Variants in DCC observed in about 807,000 individuals in gnomAD.
The protein encoded by DCC is DCC netrin 1 receptor, also known as netrin receptor DCC.
DCC carries 58 observed loss-of-function variants against 172.5 expected under a neutral mutation model. The observed-to-expected ratio is 0.34, with a 90% CI of 0.27 to 0.42. DCC has a LOEUF of 0.42. Among genes scored for constraint, DCC ranks in the 10% least tolerant of loss-of-function variants. The pLI is 1.00. For missense variants in DCC, 1,740 were observed against 1,791.0 expected, an observed-to-expected ratio of 0.97 and a Z score of 0.51; for synonymous variants, 709 against 644.5, an observed-to-expected ratio of 1.10 and a Z score of -1.52.
intron 5 of DCC, among the ~76,000 whole-genome samples, chr18:52,981,523 GA>G (rs950240707): frequency 1.3e-3 from 196 of 145,380 alleles, no homozygotes; most frequent in African/African-American, 3.0e-3. Context: ...ATTCTGATTG[GA>G]AAAAAAAAAA....
intron 1 of DCC, among the ~76,000 whole-genome samples, chr18:52,565,893 T>C (rs1449158502): frequency 1.3e-5 from 2 of 152,214 alleles, no homozygotes; most frequent in Non-Finnish European, 2.9e-5. Flanking sequence ...TTTGGTGTTT[T>C]AGTCATGAAG....
chr18:52,728,061 A>T (rs1376109904), intron 1 of DCC, among the ~76,000 whole-genome samples: 1 of 152,166 alleles, frequency 6.6e-6, no homozygotes, highest in Non-Finnish European at 1.5e-5. Flanking sequence ...CAGTGATTGG[A>T]TTACACTAAA....
intron 12 of DCC, among the ~76,000 whole-genome samples, chr18:53,248,392 C>T (rs2056389935): frequency 6.6e-6 from 1 of 151,950 alleles, no homozygotes; most frequent in Admixed American, 6.6e-5. Context: ...ACTAGAGGGT[C>T]CTAGGAAAGT....
At chr18:52,836,648 G>A (rs886662266) in intron 2 of DCC, among the ~76,000 whole-genome samples, 2 of 152,208 alleles carry the variant, frequency 1.3e-5, no homozygotes, top group African/African-American at 4.8e-5. Context: ...GGGCTTCCAT[G>A]GCCTTGGGCA....
chr18:53,507,828 A>C (rs916235674), intron 27 of DCC, among the ~76,000 whole-genome samples: 3 of 151,680 alleles, frequency 2.0e-5, no homozygotes, highest in Non-Finnish European at 4.4e-5. Context: ...TCTTTTACCC[A>C]GCAAGTTTTA....
chr18:52,631,310 A>AT (rs1176474667), intron 1 of DCC, among the ~76,000 whole-genome samples: 46 of 152,248 alleles, frequency 3.0e-4, no homozygotes, highest in Non-Finnish European at 5.1e-4. Flanking sequence ...AGAAAAAAAA[A>AT]TAAAAAACAG....
intron 7 of DCC, among the ~76,000 whole-genome samples, chr18:53,116,561 G>A (rs942554552): frequency 1.3e-5 from 2 of 151,568 alleles, no homozygotes; most frequent in East Asian, 2.0e-4. Context: ...ACTAGGATAG[G>A]TTCATCTTTT....
chr18:52,693,818 G>A (rs2035968484), intron 1 of DCC, among the ~76,000 whole-genome samples: 1 of 152,064 alleles, frequency 6.6e-6, no homozygotes, highest in Non-Finnish European at 1.5e-5. Context: ...AAAATAGGAT[G>A]GGATTGGATT....
In DCC at chr18:53,450,640, C is replaced by T. The variant is rs547920182; in HGVS notation, c.3370C>T (p.Arg1124Cys). 223 of 1,613,586 alleles carry T rather than the reference C, an allele frequency of 1.4e-4. No individual in the cohort carries two copies. The Middle Eastern group carries it at 2.1e-3, about 16-fold the overall frequency. The change falls in exon 23 of 29, where the codon CGC becomes TGC. Residue 1124 changes from arginine to cysteine, a missense_variant. Physicochemically the swap from Arg to Cys is radical, Grantham distance 180. This residue lies in a region of DCC where 1,732 missense variants were observed against 1,767.4 expected (regional missense o/e 0.98). Coordinates refer to ENST00000442544, the MANE Select transcript of DCC (RefSeq NM_005215.4). ...CATCGTGGCTGTGATTTGCACCCGA[C>T]GCTCTTCAGCCCAGCAGAGAAAGTA... ...VVIVAVICTR[R>C]SSAQQRKKRA...
At position 52,469,326 on chromosome 18, in the gene DCC, A is replaced by G. The variant is rs533274538; in HGVS notation, c.91+128448A>G. ...GCCCACCTCAGGTGGCCATCCGCCC[A>G]CCTCCTAAAGTGCTAGGATTACAGG... On this transcript the variant is annotated intron_variant, in intron 1 of 28. Transcript: ENST00000442544. 3.9e-5 allele frequency among the ~76,000 whole-genome samples: 6 copies of G among 152,102 alleles called. No individual in the cohort carries two copies. The South Asian group carries it at 6.2e-4, about 16-fold the overall frequency.
intron 15 of DCC, among the ~76,000 whole-genome samples, chr18:53,381,457 A>G (rs934494929): frequency 6.6e-6 from 1 of 152,034 alleles, no homozygotes; most frequent in Non-Finnish European, 1.5e-5. Context: ...TATTAAGTAG[A>G]ACATTCTTTG....
In DCC at chr18:53,085,982, T is replaced by TCTTCTTCTTCTC. The variant is rs1568294107; in HGVS notation, c.1261+19824_1261+19825insTCTCCTTCTTCT. On this transcript the variant is annotated intron_variant, in intron 7 of 28. Coordinates refer to ENST00000442544, the MANE Select transcript of DCC (RefSeq NM_005215.4). The stretch of plus-strand genomic sequence containing the variant: ...CTCTTCTTCTTCTTCTTCTTCTTCT[T>TCTTCTTCTTCTC]CTTCTTCTCCTTCTCCTTCTTCTCC... 3.7e-4 allele frequency among the ~76,000 whole-genome samples: 24 copies of TCTTCTTCTTCTC among 65,598 alleles called. 8 individuals carry two copies. Among genetic ancestry groups the TCTTCTTCTTCTC allele is most frequent in the African/African-American group, 3.3e-3 (21 of 6,338 alleles). The allele number at this position is 65,598 out of a possible 152,430, so 43.0% of individuals were successfully genotyped here. A position where few individuals can be genotyped will look rare whatever the true frequency, so the allele number is the denominator to read the frequency against.
At chr18:53,211,970 C>G (rs1005718799) in intron 11 of DCC, among the ~76,000 whole-genome samples, 2 of 152,082 alleles carry the variant, frequency 1.3e-5, no homozygotes, top group Non-Finnish European at 2.9e-5. Flanking sequence ...ATCACTTGTA[C>G]CTGGGAGGCG....
chr18:53,246,828 C>T (rs577796514), intron 12 of DCC, among the ~76,000 whole-genome samples: 26 of 152,060 alleles, frequency 1.7e-4, no homozygotes, highest in African/African-American at 4.8e-4. Flanking sequence ...TTATAAAGTG[C>T]GTTTGAACAG....
At chr18:52,861,011 C>CAAAA (rs74178687) in intron 2 of DCC, among the ~76,000 whole-genome samples, 3 of 120,956 alleles carry the variant, frequency 2.5e-5, no homozygotes, top group Admixed American at 1.9e-4. Flanking sequence ...GAATCCATTT[C>CAAAA]AAAAAAAAAA....
intron 1 of DCC, among the ~76,000 whole-genome samples, chr18:52,561,543 A>G (rs940594592): frequency 4.6e-5 from 7 of 152,218 alleles, no homozygotes; most frequent in African/African-American, 1.7e-4. Flanking sequence ...TAGTTTATAC[A>G]TACTTTAAAT....
chr18:52,529,155 C>A (rs771256226), intron 1 of DCC, among the ~76,000 whole-genome samples: 2 of 152,164 alleles, frequency 1.3e-5, no homozygotes, highest in African/African-American at 2.4e-5. Context: ...AATGTTATTG[C>A]TATGCAATAG....
At chr18:53,469,308 GA>G in intron 25 of DCC, among the ~76,000 whole-genome samples, 1 of 152,132 alleles carries the variant, frequency 6.6e-6, no homozygotes, top group Admixed American at 6.6e-5. Flanking sequence ...TGTATCTGGA[GA>G]AAAACATATA....
chr18:53,093,725 T>G (rs1406027386), intron 7 of DCC, among the ~76,000 whole-genome samples: 1 of 152,224 alleles, frequency 6.6e-6, no homozygotes, highest in African/African-American at 2.4e-5. Context: ...ACAGGCTGAT[T>G]GGCATTCATG....
Sources: allele counts gnomAD v4.1 joint callset (sites outside exome capture counted in the v4.1 genomes callset), GRCh38; gene constraint gnomAD v4.1.1; regional missense constraint gnomAD v4.1.1; transcripts MANE v1.5; gene names NCBI Gene and HGNC (gene_info 2026-07-23, HGNC 2026-07-21).